The following ARHGAP15 variants were observed in gnomAD, a reference collection of about 807,000 sequenced individuals.
ARHGAP15 encodes the protein Rho GTPase activating protein 15.
A neutral mutation model predicts 63.7 loss-of-function variants in ARHGAP15; 51 were observed. That is an observed-to-expected ratio of 0.80 (90% CI 0.64 to 1.01). The LOEUF (loss-of-function observed/expected upper bound fraction) is 1.01. ARHGAP15 is among the 50% of genes least tolerant of loss of function. The probability of loss-of-function intolerance (pLI) is 0.00; values close to 1 mark genes in which losing one functional copy is unlikely to be tolerated. For missense variants in ARHGAP15, 560 were observed against 564.6 expected (o/e 0.99, Z 0.08); for synonymous variants, 191 against 193.8 (o/e 0.99, Z 0.12).
At chr2:143,215,149 T>C (rs1692700111) in intron 3 of ARHGAP15, among the ~76,000 whole-genome samples, 1 of 152,218 alleles carries the variant, frequency 6.6e-6, no homozygotes, top group South Asian at 2.1e-4. Flanking sequence ...CATGATCTGA[T>C]ATGTGCTGTC....
At chr2:143,424,386 T>A (rs531362233) in intron 6 of ARHGAP15, among the ~76,000 whole-genome samples, 62 of 152,196 alleles carry the variant, frequency 4.1e-4, no homozygotes, top group Middle Eastern at 3.4e-3. Context: ...CTAATTTTTT[T>A]TAAAAAAATG....
chr2:143,576,469 A>T (rs938063058), intron 11 of ARHGAP15, among the ~76,000 whole-genome samples: 7 of 152,048 alleles, frequency 4.6e-5, no homozygotes, highest in African/African-American at 1.7e-4. Flanking sequence ...AAAAGAAAAA[A>T]CCAAGTGCCT....
intron 6 of ARHGAP15, 69 bp from the exon 7 acceptor site, chr2:143,435,532 C>A: frequency 7.1e-7 from 1 of 1,404,446 alleles, no homozygotes; most frequent in South Asian, 1.6e-5. Flanking sequence ...AGGATTTTTA[C>A]ATGTAAGAGA....
At chr2:143,651,937 T>C (rs1029929539) in intron 12 of ARHGAP15, among the ~76,000 whole-genome samples, 1 of 151,978 alleles carries the variant, frequency 6.6e-6, no homozygotes, top group Non-Finnish European at 1.5e-5. Flanking sequence ...GTTTTGAGAG[T>C]TATTTTTGTC....
At chr2:143,137,535 T>A (rs963969084) in intron 1 of ARHGAP15, among the ~76,000 whole-genome samples, 4 of 152,142 alleles carry the variant, frequency 2.6e-5, no homozygotes, top group East Asian at 3.9e-4. Flanking sequence ...AAAGGTTGGG[T>A]TTGAATTCTG....
At chr2:143,761,727 A>C (rs1444540926) in intron 13 of ARHGAP15, among the ~76,000 whole-genome samples, 1 of 152,078 alleles carries the variant, frequency 6.6e-6, no homozygotes, top group Admixed American at 6.6e-5. Context: ...TTTTGAGAGG[A>C]TTTCTTTTCC....
chr2:143,606,304 A>T lies in ARHGAP15; in HGVS notation c.1004-17829A>T, dbSNP rs557877415. Among the ~76,000 whole-genome samples the T allele has an allele frequency of 3.3e-5, 5 of 152,242 alleles. No individual in the cohort carries two copies. The South Asian group carries it at 1.0e-3, about 32-fold the overall frequency. The stretch of plus-strand genomic sequence containing the variant: ...TGAGTGGTTATTTCATTGAACTTCC[A>T]TTTACTATCTTCTAAAATGTGGAGA... On this transcript the variant is annotated intron_variant, in intron 11 of 13. Transcript: ENST00000295095.
At chr2:143,398,747 A>C (rs1687874653) in intron 6 of ARHGAP15, among the ~76,000 whole-genome samples, 2 of 148,082 alleles carry the variant, frequency 1.4e-5, no homozygotes, top group African/African-American at 5.0e-5. Context: ...CAAATAATCA[A>C]TTGTTTATAA....
At chr2:143,426,999 A>G (rs900770382) in intron 6 of ARHGAP15, among the ~76,000 whole-genome samples, 20 of 152,210 alleles carry the variant, frequency 1.3e-4, no homozygotes, top group Non-Finnish European at 2.2e-4. Context: ...ACTTAGCTAT[A>G]TTTCTCTATA....
At chr2:143,743,806 G>A (rs1052386004) in intron 13 of ARHGAP15, among the ~76,000 whole-genome samples, 5 of 151,942 alleles carry the variant, frequency 3.3e-5, no homozygotes, top group South Asian at 2.1e-4. Context: ...ATCAAAACAC[G>A]GAAAGTTGGA....
chr2:143,420,156 T>C (rs7597886), intron 6 of ARHGAP15, among the ~76,000 whole-genome samples: 135,095 of 152,146 alleles, frequency 0.89, 60,389 homozygotes, highest in Middle Eastern at 0.97. Context: ...CACCAATACA[T>C]AGGCATTTAC....
At position 143,550,331 on chromosome 2, in the gene ARHGAP15, C is replaced by T. The variant is rs1423930386; in HGVS notation, c.926-6077C>T. 2.6e-5 allele frequency among the ~76,000 whole-genome samples: 4 copies of T among 152,032 alleles called. No homozygotes were observed. In the East Asian group the frequency reaches 5.8e-4, roughly 22 times the overall value. Reference sequence around the variant, plus strand: ...CAATCAATTAGGAAGCAAAAGAAAACAGTCAGATGGGTAAAGTAAGAAAAA... The same window carrying T: ...CAATCAATTAGGAAGCAAAAGAAAATAGTCAGATGGGTAAAGTAAGAAAAA... On this transcript the variant is annotated intron_variant, in intron 10 of 13. Transcript: ENST00000295095.
intron 2 of ARHGAP15, among the ~76,000 whole-genome samples, chr2:143,182,423 G>T (rs1054499287): frequency 6.6e-6 from 1 of 152,080 alleles, no homozygotes. Context: ...ATAAGGTGAA[G>T]CACAATAAAA....
chr2:143,329,136 A>C (rs1261586740), intron 6 of ARHGAP15, among the ~76,000 whole-genome samples: 1 of 152,218 alleles, frequency 6.6e-6, no homozygotes, highest in Non-Finnish European at 1.5e-5. Flanking sequence ...GTGAATTCTA[A>C]CAGTGCCTCC....
chr2:143,449,384 C>A (rs564846710), intron 8 of ARHGAP15, among the ~76,000 whole-genome samples: 1 of 152,126 alleles, frequency 6.6e-6, no homozygotes, highest in South Asian at 2.1e-4. Flanking sequence ...CTCTTCTTTT[C>A]GGAACACATA....
intron 6 of ARHGAP15, among the ~76,000 whole-genome samples, chr2:143,324,929 A>T (rs1457938861): frequency 6.6e-6 from 1 of 152,152 alleles, no homozygotes; most frequent in Admixed American, 6.5e-5. Context: ...TGTATTTTTT[A>T]AAAAACATGA....
At chr2:143,413,486 A>G (rs1349388595) in intron 6 of ARHGAP15, among the ~76,000 whole-genome samples, 1 of 152,126 alleles carries the variant, frequency 6.6e-6, no homozygotes, top group Non-Finnish European at 1.5e-5. Flanking sequence ...ATAGCTTTTA[A>G]TTAATTTTTA....
intron 11 of ARHGAP15, among the ~76,000 whole-genome samples, chr2:143,562,018 CT>C (rs1474939374): frequency 1.3e-5 from 2 of 152,024 alleles, no homozygotes; most frequent in African/African-American, 4.8e-5. Flanking sequence ...ATATCTTTAT[CT>C]ACCCAGATTT....
chr2:143,565,708 G>C (rs934194537), intron 11 of ARHGAP15, among the ~76,000 whole-genome samples: 4 of 152,234 alleles, frequency 2.6e-5, no homozygotes. Flanking sequence ...ATAACTTACT[G>C]TCCCTCAACA....
Sources: gnomAD v4.1 joint callset for allele counts (sites outside exome capture counted in the v4.1 genomes callset) on GRCh38, gnomAD v4.1.1 for gene constraint, MANE v1.5 for transcripts, NCBI Gene and HGNC (gene_info 2026-07-23, HGNC 2026-07-21) for gene names.